The following GPC3 variants were observed in gnomAD, a reference collection of about 807,000 sequenced individuals.
The protein encoded by GPC3 is glypican-3.
A neutral mutation model predicts 34.4 loss-of-function variants in GPC3; 3 were observed. The observed-to-expected ratio is 0.09, with a 90% confidence interval of 0.04 to 0.23. The LOEUF is 0.23. Among genes scored for constraint, GPC3 ranks in the 10% least tolerant of loss-of-function variants. The pLI is 1.00. For synonymous variants in GPC3, 177 were observed against 174.0 expected, an observed-to-expected ratio of 1.02 and a Z score of -0.13; for missense variants, 351 against 445.6, an observed-to-expected ratio of 0.79 and a Z score of 1.91.
rs2071153716 is a variant in GPC3 at position 133,700,068 on chromosome X, C to G, written c.1033-40G>C. The G allele has an allele frequency of 3.7e-6, 4 of 1,071,816 alleles. No homozygotes were observed. In the East Asian group the frequency reaches 1.2e-4, roughly 33 times the overall value. 88.3% of individuals were successfully genotyped at this position (1,071,816 alleles called of 1,213,427 possible). On this transcript the variant is annotated intron_variant, in intron 3 of 7. Coordinates refer to ENST00000370818, the MANE Select transcript of GPC3 (RefSeq NM_004484.4). ...GCAATATAATTATATGATACTTGTG[C>G]AGATATGATAGTAGAAACAAATTCT... is the stretch of plus-strand genomic sequence containing the variant.
intron 7 of GPC3, among the ~76,000 whole-genome samples, chrX:133,581,425 A>G (rs1295584357): frequency 8.9e-6 from 1 of 112,174 alleles, no homozygotes; most frequent in Non-Finnish European, 1.9e-5. Flanking sequence ...AAAGGAAAAT[A>G]AATCCTCTAA....
At chrX:133,691,438 G>T (rs1186198227) in intron 5 of GPC3, among the ~76,000 whole-genome samples, 1 of 109,353 alleles carries the variant, frequency 9.1e-6, no homozygotes, top group Admixed American at 9.7e-5. Context: ...GGCGGAGGTT[G>T]CAGTGAGCCA....
intron 7 of GPC3, among the ~76,000 whole-genome samples, chrX:133,588,518 A>T (rs1459052038): frequency 9.0e-6 from 1 of 111,293 alleles, no homozygotes; most frequent in Non-Finnish European, 1.9e-5. Context: ...TAAAAGGCCT[A>T]TCATAAATTT....
chrX:133,584,395 T>A (rs968675605), intron 7 of GPC3, among the ~76,000 whole-genome samples: 10 of 112,047 alleles, frequency 8.9e-5, no homozygotes, highest in South Asian at 7.5e-4. Flanking sequence ...CTGAAGCTCA[T>A]CCTGAATGTG....
In GPC3 at chrX:133,753,818, A is replaced by G. The variant is rs2071695506; in HGVS notation, c.696T>C (p.Ala232=). 4.1e-6 allele frequency: 5 copies of G among 1,209,433 alleles called. No homozygotes were observed. The African/African-American group carries it at 7.0e-5, about 17-fold the overall frequency. Residue 232 remains alanine, a synonymous_variant, in exon 3 of 8, where the codon GCT becomes GCC. Coordinates refer to ENST00000370818, the MANE Select transcript of GPC3 (RefSeq NM_004484.4). ...SLQVTRIFLQ[A]LNLGIEVINT... ...TGATCACTTCAATTCCAAGATTCAG[A>G]GCCTGAAGGAAGATCCTAGTGACTT...
intron 6 of GPC3, among the ~76,000 whole-genome samples, chrX:133,654,950 A>G (rs2070640739): frequency 9.0e-6 from 1 of 111,563 alleles, no homozygotes; most frequent in Non-Finnish European, 1.9e-5. Flanking sequence ...GTAATCAGAA[A>G]AGTTCATGTA....
intron 1 of GPC3, among the ~76,000 whole-genome samples, chrX:133,979,170 A>G (rs2076528180): frequency 8.9e-6 from 1 of 111,854 alleles, no homozygotes; most frequent in Non-Finnish European, 1.9e-5. Context: ...CTTCCTATCA[A>G]TTATTTATCA....
At chrX:133,957,888 T>C (rs2076423363) in intron 1 of GPC3, among the ~76,000 whole-genome samples, 1 of 110,249 alleles carries the variant, frequency 9.1e-6, no homozygotes, top group African/African-American at 3.3e-5. Context: ...GAAAAAGGAA[T>C]GGAGACAAGC....
In GPC3 at chrX:133,555,748, A is replaced by T. The variant is rs148964242; in HGVS notation, c.1574-19455T>A. Among the ~76,000 whole-genome samples the T allele has an allele frequency of 7.8e-3, 859 of 109,791 alleles. 10 individuals carry two copies. The highest frequency in any genetic ancestry group is 0.027 in the African/African-American group (812 of 29,984). On this transcript the variant is annotated intron_variant, in intron 7 of 7. Coordinates refer to ENST00000370818, the MANE Select transcript of GPC3 (RefSeq NM_004484.4). ...GAGGCTGAGGCAGGAGAATCGCTTG[A>T]ACCTGAGAGGCAGAGACTGCAGTGA...
At chrX:133,853,633 GAAGT>G (rs1446584997) in intron 2 of GPC3, among the ~76,000 whole-genome samples, 2 of 112,464 alleles carry the variant, frequency 1.8e-5, no homozygotes, top group African/African-American at 6.5e-5. Flanking sequence ...GCTAGATATT[GAAGT>G]TATAGAGATC....
intron 6 of GPC3, among the ~76,000 whole-genome samples, chrX:133,610,152 G>A (rs996183793): frequency 8.9e-6 from 1 of 111,856 alleles, no homozygotes; most frequent in South Asian, 3.7e-4. Flanking sequence ...GGCGGTGCTT[G>A]AACTCTTCCT....
intron 6 of GPC3, among the ~76,000 whole-genome samples, chrX:133,599,575 G>A (rs962133615): frequency 9.0e-6 from 1 of 111,390 alleles, no homozygotes; most frequent in Admixed American, 9.5e-5. Flanking sequence ...TGGATTCCCA[G>A]GATCCATAAA....
chrX:133,554,505 AC>A (rs2069467604), intron 7 of GPC3, among the ~76,000 whole-genome samples: 2 of 110,556 alleles, frequency 1.8e-5, no homozygotes, highest in African/African-American at 6.6e-5. Context: ...TCAGTAAACA[AC>A]CTTTTCCACC....
At chrX:133,867,127 G>C (rs994318366) in intron 2 of GPC3, among the ~76,000 whole-genome samples, 7 of 110,341 alleles carry the variant, frequency 6.3e-5, no homozygotes, top group African/African-American at 2.3e-4. Context: ...GAACCCAGGT[G>C]GCGAAGGTTG....
intron 1 of GPC3, among the ~76,000 whole-genome samples, chrX:133,955,877 G>C: frequency 9.0e-6 from 1 of 111,533 alleles, no homozygotes; most frequent in East Asian, 2.8e-4. Context: ...AAAAAATGAG[G>C]GGAGACTAGT....
intron 2 of GPC3, among the ~76,000 whole-genome samples, chrX:133,798,514 G>A (rs1307368653): frequency 8.9e-6 from 1 of 111,908 alleles, no homozygotes; most frequent in Admixed American, 9.5e-5. Flanking sequence ...TTTTAGGGAG[G>A]TTACCCCATC....
intron 6 of GPC3, among the ~76,000 whole-genome samples, chrX:133,638,357 T>A (rs1307704481): frequency 8.9e-6 from 1 of 111,944 alleles, no homozygotes; most frequent in Non-Finnish European, 1.9e-5. Context: ...TTCTCCTCTG[T>A]CCCCTTCCTT....
intron 2 of GPC3, among the ~76,000 whole-genome samples, chrX:133,806,666 AGTCTTTCT>A (rs57184940): frequency 0.1 from 11,359 of 108,185 alleles, 1,165 homozygotes; most frequent in African/African-American, 0.31. Context: ...TTTGAGACAG[AGTCTTTCT>A]GTCTTTCTCT....
chrX:133,951,044 G>C (rs184497219), intron 2 of GPC3, among the ~76,000 whole-genome samples: 1,367 of 84,020 alleles, frequency 0.016, 28 homozygotes, highest in African/African-American at 0.061. Flanking sequence ...CACAATTCAA[G>C]AAAGTGTGTG....
Sources: allele counts gnomAD v4.1 joint callset (sites outside exome capture counted in the v4.1 genomes callset), GRCh38; gene constraint gnomAD v4.1.1; transcripts MANE v1.5; gene names NCBI Gene and HGNC (gene_info 2026-07-23, HGNC 2026-07-21).